Variants in SGCZ observed in about 807,000 individuals in gnomAD.
SGCZ encodes the protein sarcoglycan zeta.
In SGCZ, 40 loss-of-function variants were observed where a neutral mutation model predicts 41.3. That is an observed-to-expected ratio of 0.97 (90% confidence interval 0.75 to 1.26). The LOEUF (loss-of-function observed/expected upper bound fraction) is 1.26, where lower values mean the gene tolerates loss of function less well. SGCZ is among the 50% of genes most tolerant of loss of function. The pLI is 0.00. For synonymous variants in SGCZ, 206 were observed against 137.5 expected (o/e 1.50, Z -3.49); for missense variants, 552 against 369.8 (o/e 1.49, Z -4.04).
chr8:14,293,247 G>A (rs1045279410), intron 3 of SGCZ, among the ~76,000 whole-genome samples: 52 of 152,050 alleles, frequency 3.4e-4, no homozygotes, highest in African/African-American at 1.0e-3. Flanking sequence ...GACAATGGAT[G>A]TGATATATGT....
At chr8:14,573,273 C>T (rs1451072909) in intron 1 of SGCZ, among the ~76,000 whole-genome samples, 2 of 141,168 alleles carry the variant, frequency 1.4e-5, no homozygotes, top group Non-Finnish European at 3.0e-5. Flanking sequence ...TCTCGGCTCA[C>T]TGCAAGCTCC....
intron 2 of SGCZ, among the ~76,000 whole-genome samples, chr8:14,432,914 CAAAAAAAAAAAAAAAAAAA>C (rs767979164): frequency 2.6e-5 from 2 of 75,632 alleles, no homozygotes; most frequent in Non-Finnish European, 4.9e-5. Flanking sequence ...ACTGTGTCTC[CAAAAAAAAAAAAAAAAAAA>C]AAAAAAAAAG....
At chr8:14,594,619 T>G (rs1805348901) in intron 1 of SGCZ, among the ~76,000 whole-genome samples, 1 of 151,922 alleles carries the variant, frequency 6.6e-6, no homozygotes, top group Non-Finnish European at 1.5e-5. Flanking sequence ...TCTGGATAGT[T>G]TTCTCCTAAT....
intron 2 of SGCZ, among the ~76,000 whole-genome samples, chr8:14,430,714 GA>G (rs1170896652): frequency 8.5e-5 from 13 of 152,108 alleles, no homozygotes; most frequent in Non-Finnish European, 1.8e-4. Context: ...ACAAGAGAAA[GA>G]AATAAAGGGC....
At chr8:15,031,190 T>C (rs1242573448) in intron 1 of SGCZ, among the ~76,000 whole-genome samples, 1 of 152,178 alleles carries the variant, frequency 6.6e-6, no homozygotes, top group Non-Finnish European at 1.5e-5. Flanking sequence ...TAGTGCATAA[T>C]GTTATTAATT....
chr8:14,923,190 C>T (rs1369841944), intron 1 of SGCZ, among the ~76,000 whole-genome samples: 1 of 152,186 alleles, frequency 6.6e-6, no homozygotes, highest in African/African-American at 2.4e-5. Flanking sequence ...CCTCTACTCT[C>T]ACCAGCAAAA....
chr8:15,122,890 C>T (rs1807539279), intron 1 of SGCZ, among the ~76,000 whole-genome samples: 1 of 152,142 alleles, frequency 6.6e-6, no homozygotes, highest in Non-Finnish European at 1.5e-5. Flanking sequence ...ACATACTGCT[C>T]TTAATGTTAC....
chr8:14,360,664 G>A (rs776219638), intron 2 of SGCZ, among the ~76,000 whole-genome samples: 1 of 152,126 alleles, frequency 6.6e-6, no homozygotes, highest in South Asian at 2.1e-4. Context: ...TCGCTAAGTA[G>A]TACCCATGGT....
intron 1 of SGCZ, among the ~76,000 whole-genome samples, chr8:14,939,471 A>C (rs1040236849): frequency 1.3e-5 from 2 of 152,138 alleles, no homozygotes; most frequent in Non-Finnish European, 2.9e-5. Flanking sequence ...AAACAAATTT[A>C]ATGAGCAAAT....
chr8:14,630,993 A>C (rs1806630664), intron 1 of SGCZ, among the ~76,000 whole-genome samples: 1 of 152,150 alleles, frequency 6.6e-6, no homozygotes, highest in East Asian at 1.9e-4. Context: ...CACGTTGTGC[A>C]CATGTAGCCT....
Position 14,253,243 on chromosome 8 carries a change from G to GGTGTGTGTGTGT in SGCZ, c.337-15576_337-15565dup, listed in dbSNP as rs10681510. Among the ~76,000 whole-genome samples, 1,030 of 148,930 alleles carry GGTGTGTGTGTGT rather than the reference G, an allele frequency of 6.9e-3. 13 individuals are homozygous for GGTGTGTGTGTGT. Among genetic ancestry groups the GGTGTGTGTGTGT allele is most frequent in the African/African-American group, 0.023 (912 of 40,370 alleles). On this transcript the variant is annotated intron_variant, in intron 3 of 7. Coordinates refer to ENST00000382080, the MANE Select transcript of SGCZ (RefSeq NM_139167.4). ...CTTCTAAAAAATAAGTTGTGTGTAG[G>GGTGTGTGTGTGT]GTGTGTGTGTGTGTGTGTGTGTGTG...
chr8:14,950,752 A>G (rs1800604557), intron 1 of SGCZ, among the ~76,000 whole-genome samples: 1 of 152,088 alleles, frequency 6.6e-6, no homozygotes, highest in Non-Finnish European at 1.5e-5. Context: ...TAAGAGTTGA[A>G]TGCATGAGGA....
chr8:14,223,770 C>G (rs1328541675), intron 4 of SGCZ, among the ~76,000 whole-genome samples: 1 of 152,182 alleles, frequency 6.6e-6, no homozygotes, highest in Non-Finnish European at 1.5e-5. Flanking sequence ...CTAAATATTA[C>G]TTTGGATAAT....
intron 2 of SGCZ, among the ~76,000 whole-genome samples, chr8:14,368,946 C>G (rs558195308): frequency 9.2e-5 from 14 of 151,768 alleles, no homozygotes; most frequent in African/African-American, 2.7e-4. Context: ...ACTGTGCTGT[C>G]TTTCTGATAG....
At chr8:14,599,363 C>G (rs185139717) in intron 1 of SGCZ, among the ~76,000 whole-genome samples, 97 of 152,244 alleles carry the variant, frequency 6.4e-4, no homozygotes, top group Admixed American at 1.8e-3. Context: ...GTCAAAACCA[C>G]CTCTACACTG....
chr8:14,952,480 T>C (rs1334823855), intron 1 of SGCZ, among the ~76,000 whole-genome samples: 1 of 152,154 alleles, frequency 6.6e-6, no homozygotes, highest in Non-Finnish European at 1.5e-5. Context: ...TAGCTCTAGG[T>C]CCATCACTAG....
intron 1 of SGCZ, among the ~76,000 whole-genome samples, chr8:14,856,301 T>C (rs1260285076): frequency 6.6e-6 from 1 of 152,180 alleles, no homozygotes; most frequent in Admixed American, 6.5e-5. Flanking sequence ...TGGCAGTGGC[T>C]TCAGGGGAGA....
chr8:15,092,355 T>A (rs1806185287), intron 1 of SGCZ, among the ~76,000 whole-genome samples: 1 of 152,146 alleles, frequency 6.6e-6, no homozygotes, highest in South Asian at 2.1e-4. Flanking sequence ...ACAGAAAACT[T>A]TTATCTTGAT....
chr8:14,903,947 C>A (rs1799047774), intron 1 of SGCZ, among the ~76,000 whole-genome samples: 1 of 151,956 alleles, frequency 6.6e-6, no homozygotes, highest in Admixed American at 6.6e-5. Context: ...CAAGATACTT[C>A]TTTTCTCATG....
Sources: allele counts gnomAD v4.1 joint callset (sites outside exome capture counted in the v4.1 genomes callset), GRCh38; gene constraint gnomAD v4.1.1; transcripts MANE v1.5; gene names NCBI Gene and HGNC (gene_info 2026-07-23, HGNC 2026-07-21).